The following DMD variants were observed in gnomAD, a reference collection of about 807,000 sequenced individuals.
DMD encodes dystrophin, also known as mutant dystrophin.
In DMD, 63 loss-of-function variants were observed where a neutral mutation model predicts 330.1. The ratio of observed to expected loss-of-function variants is 0.19; its 90% CI spans 0.16 to 0.24. The LOEUF is 0.24. Among genes scored for constraint, DMD ranks in the 10% least tolerant of loss-of-function variants. DMD has a pLI of 1.00. For missense variants in DMD, 3,344 were observed against 2,684.1 expected (o/e 1.25, Z -5.43); for synonymous variants, 1,223 against 959.8 (o/e 1.27, Z -5.07).
At chrX:32,074,516 T>C (rs1009058308) in intron 44 of DMD, among the ~76,000 whole-genome samples, 2 of 111,575 alleles carry the variant, frequency 1.8e-5, no homozygotes, top group African/African-American at 6.5e-5. Context: ...TATTAAATGG[T>C]TGGGGAGAAA....
At chrX:31,303,189 C>G (rs1441554417) in intron 62 of DMD, among the ~76,000 whole-genome samples, 1 of 111,320 alleles carries the variant, frequency 9.0e-6, no homozygotes, top group Non-Finnish European at 1.9e-5. Context: ...AAGCAAAACA[C>G]TTTAAAAAGT....
chrX:32,110,483 A>G (rs1247445384), intron 44 of DMD, among the ~76,000 whole-genome samples: 1 of 112,032 alleles, frequency 8.9e-6, no homozygotes, highest in Admixed American at 9.5e-5. Flanking sequence ...TCATATAAAC[A>G]AGTTATTTGG....
In DMD at chrX:31,750,495, T is replaced by C. The variant is rs192050513; in HGVS notation, c.7543-20747A>G. 7.2e-5 allele frequency among the ~76,000 whole-genome samples: 8 copies of C among 110,975 alleles called. No individual in the cohort carries two copies. The East Asian group carries it at 2.3e-3, about 32-fold the overall frequency. ...CTTCTGAGGGCTCTGTTCTGTTCCATTGATCTATATGTCTGTTTTGGTACC... is the reference window on the plus strand; with the variant it reads ...CTTCTGAGGGCTCTGTTCTGTTCCACTGATCTATATGTCTGTTTTGGTACC... On this transcript the variant is annotated intron_variant, in intron 51 of 78. Coordinates refer to ENST00000357033, the MANE Select transcript of DMD (RefSeq NM_004006.3).
chrX:32,729,910 T>C (rs2067345854), intron 7 of DMD, among the ~76,000 whole-genome samples: 2 of 112,115 alleles, frequency 1.8e-5, no homozygotes, highest in African/African-American at 6.5e-5. Flanking sequence ...AAAGCATATA[T>C]AGTAGCACAG....
chrX:32,372,901 T>C (rs1446942186), intron 34 of DMD, among the ~76,000 whole-genome samples: 1 of 111,138 alleles, frequency 9.0e-6, no homozygotes, highest in African/African-American at 3.3e-5. Context: ...ATATATTCTT[T>C]TTTTCTGTAA....
intron 7 of DMD, among the ~76,000 whole-genome samples, chrX:32,734,684 T>C (rs964699417): frequency 2.7e-5 from 3 of 109,720 alleles, no homozygotes; most frequent in African/African-American, 1.0e-4. Context: ...TCTCCATAGA[T>C]GCAGAAAAGG....
chrX:32,669,270 G>GTA (rs2061493067), intron 9 of DMD, among the ~76,000 whole-genome samples: 1 of 111,401 alleles, frequency 9.0e-6, no homozygotes, highest in Non-Finnish European at 1.9e-5. Flanking sequence ...CAGCACACAA[G>GTA]TATACTTCTA....
At chrX:32,922,174 G>GT (rs2088486050) in intron 2 of DMD, among the ~76,000 whole-genome samples, 1 of 103,829 alleles carries the variant, frequency 9.6e-6, no homozygotes, top group African/African-American at 3.8e-5. Context: ...GCCCTGACAT[G>GT]ATTTTTTTTT....
intron 2 of DMD, among the ~76,000 whole-genome samples, chrX:32,850,300 C>A (rs760383317): frequency 1.8e-5 from 2 of 111,732 alleles, no homozygotes; most frequent in Non-Finnish European, 3.8e-5. Context: ...CATGCTATGA[C>A]CTATTCTCAT....
intron 57 of DMD, among the ~76,000 whole-genome samples, chrX:31,492,192 A>G (rs1356760745): frequency 1.8e-5 from 2 of 112,670 alleles, no homozygotes; most frequent in Non-Finnish European, 1.9e-5. Context: ...GAAACATGGC[A>G]AAGTAAAACA....
At chrX:33,058,958 T>C (rs1371533779) in intron 1 of DMD, among the ~76,000 whole-genome samples, 1 of 111,974 alleles carries the variant, frequency 8.9e-6, no homozygotes, top group Non-Finnish European at 1.9e-5. Flanking sequence ...TATTATATAT[T>C]ATGGATACAA....
At chrX:32,854,115 C>G (rs1162446530) in intron 2 of DMD, among the ~76,000 whole-genome samples, 1 of 111,265 alleles carries the variant, frequency 9.0e-6, no homozygotes, top group African/African-American at 3.3e-5. Context: ...ACCTCAATAC[C>G]CCACTTTCAG....
chrX:31,879,265 A>G (rs1018706697), intron 47 of DMD, among the ~76,000 whole-genome samples: 1 of 109,042 alleles, frequency 9.2e-6, no homozygotes, highest in African/African-American at 3.3e-5. Context: ...AACACATTCT[A>G]CATGGCAGCA....
At chrX:33,120,373 C>T (rs1210976158) in intron 1 of DMD, among the ~76,000 whole-genome samples, 1 of 111,326 alleles carries the variant, frequency 9.0e-6, no homozygotes, top group Non-Finnish European at 1.9e-5. Context: ...GAGATGGCTG[C>T]GTGCTTTTTT....
intron 60 of DMD, among the ~76,000 whole-genome samples, chrX:31,444,121 T>C (rs2065122247): frequency 9.0e-6 from 1 of 110,688 alleles, no homozygotes; most frequent in Non-Finnish European, 1.9e-5. Flanking sequence ...CCAGCTCCCC[T>C]TTGCCTTCTG....
chrX:33,217,505 T>G lies in DMD; in HGVS notation c.7+121754A>C, dbSNP rs1268370338. On this transcript the variant is annotated intron_variant, in intron 1 of 17. Transcript: ENST00000288447. ...TAGATCTGGTAAATGTTTTATTAGATTCATAAGTATTTCATTGTTTCAGAG... is the reference window on the plus strand; with the variant it reads ...TAGATCTGGTAAATGTTTTATTAGAGTCATAAGTATTTCATTGTTTCAGAG... 1.8e-4 allele frequency among the ~76,000 whole-genome samples: 20 copies of G among 111,777 alleles called. No individual in the cohort carries two copies. In the Admixed American group the frequency reaches 1.9e-3, roughly 11 times the overall value.
At chrX:31,228,601 A>G (rs185192533) in intron 63 of DMD, among the ~76,000 whole-genome samples, 1 of 112,036 alleles carries the variant, frequency 8.9e-6, no homozygotes, top group Admixed American at 9.5e-5. Context: ...GCTTGGGATG[A>G]CTGTGTAGTG....
At chrX:32,464,317 C>CAAA (rs2148425018) in intron 24 of DMD, among the ~76,000 whole-genome samples, 1 of 111,064 alleles carries the variant, frequency 9.0e-6, no homozygotes, top group African/African-American at 3.3e-5. Flanking sequence ...GCACTAGTGA[C>CAAA]ATTTTAGATT....
At chrX:31,670,677 T>C (rs2081710358) in intron 53 of DMD, among the ~76,000 whole-genome samples, 4 of 111,857 alleles carry the variant, frequency 3.6e-5, no homozygotes, top group Admixed American at 1.9e-4. Context: ...CTTGCAACTG[T>C]AGCACTTTAA....
Sources: allele counts gnomAD v4.1 joint callset (sites outside exome capture counted in the v4.1 genomes callset), GRCh38; gene constraint gnomAD v4.1.1; transcripts MANE v1.5; gene names NCBI Gene and HGNC (gene_info 2026-07-23, HGNC 2026-07-21).